PCDHA3: variants seen among roughly 807,000 people sequenced by gnomAD.
PCDHA3 encodes protocadherin alpha 3.
PCDHA3 carries 41 observed loss-of-function variants against 62.2 expected under a neutral mutation model. The ratio of observed to expected loss-of-function variants is 0.66; its 90% CI spans 0.51 to 0.86. The LOEUF (loss-of-function observed/expected upper bound fraction) is 0.86, where lower values mean the gene tolerates loss of function less well. PCDHA3 is among the 40% of genes least tolerant of loss of function. PCDHA3 has a pLI of 0.00. For missense variants in PCDHA3, 1,304 were observed against 1,241.2 expected (o/e 1.05, Z -0.76); for synonymous variants, 640 against 555.4 (o/e 1.15, Z -2.14).
chr5:140,823,525 G>C (rs2150126646), intron 1 of PCDHA3: 4 of 1,613,736 alleles, frequency 2.5e-6, no homozygotes, highest in Non-Finnish European at 3.4e-6. Flanking sequence ...GCCGAGGTCA[G>C]TGGGTGCGGG....
At chr5:141,007,985 A>C (rs2153994605) in intron 3 of PCDHA3, among the ~76,000 whole-genome samples, 1 of 152,322 alleles carries the variant, frequency 6.6e-6, no homozygotes, top group South Asian at 2.1e-4. Context: ...TGTATATATG[A>C]AATGTACATG....
chr5:140,932,346 A>C (rs529573484), intron 1 of PCDHA3, among the ~76,000 whole-genome samples: 1 of 151,954 alleles, frequency 6.6e-6, no homozygotes, highest in African/African-American at 2.4e-5. Context: ...AACACTTACC[A>C]TACAACTGGC....
chr5:140,877,090 G>T lies in PCDHA3; in HGVS notation c.2394+73499G>T, dbSNP rs201209762. ...GCAGTTCCAGGTGAGCGCGCGCGAC[G>T]CCGGCGTGCCGCCTCTGGGCAGCAA... is the stretch of plus-strand genomic sequence containing the variant. On this transcript the variant is annotated intron_variant, in intron 1 of 3. Coordinates refer to ENST00000522353, the MANE Select transcript of PCDHA3 (RefSeq NM_018906.3). 4,655 of 1,613,184 alleles carry T rather than the reference G, an allele frequency of 2.9e-3. 21 individuals are homozygous for T. Among genetic ancestry groups the T allele is most frequent in the African/African-American group, 0.01 (785 of 75,036 alleles).
intron 1 of PCDHA3, chr5:140,882,360 T>A: frequency 6.2e-7 from 1 of 1,614,134 alleles, no homozygotes. Context: ...AGTGGCCAGC[T>A]CCACTACTCC....
At chr5:140,906,063 A>T (rs572488248) in intron 1 of PCDHA3, among the ~76,000 whole-genome samples, 1 of 152,318 alleles carries the variant, frequency 6.6e-6, no homozygotes, top group South Asian at 2.1e-4. Flanking sequence ...CTGGCAGCTG[A>T]TTAGATCGCA....
intron 1 of PCDHA3, chr5:140,817,656 T>G (rs1272936545): frequency 3.3e-5 from 5 of 152,208 alleles, no homozygotes; most frequent in African/African-American, 9.6e-5. Context: ...GTTACTGATA[T>G]GCCTTTCAAT....
At position 140,828,503 on chromosome 5, in the gene PCDHA3, C is replaced by G. The variant is rs1165644843; in HGVS notation, c.2394+24912C>G. ...CCCGCCCTTGTTCCCGGTAGAGGAA[C>G]AAAGAGTGCTGATTTACGAATCTAG... On this transcript the variant is annotated intron_variant, in intron 1 of 3. Coordinates refer to ENST00000522353, the MANE Select transcript of PCDHA3 (RefSeq NM_018906.3). 1.5e-5 allele frequency: 25 copies of G among 1,614,120 alleles called. No homozygotes were observed. In the Admixed American group the frequency reaches 3.7e-4, roughly 24 times the overall value.
chr5:141,010,381 T>C lies in PCDHA3; in HGVS notation c.*444T>C. On this transcript the variant is annotated 3_prime_UTR_variant, in exon 4 of 4. Transcript: ENST00000522353. ...ACCGCGGGTATGCGAGTGCCAGATA[T>C]TGGCTGAGACGAGCCAGCTTAGACT... 2.8e-6 allele frequency: 4 copies of C among 1,442,848 alleles called. No homozygotes were observed. The highest frequency in any genetic ancestry group is 2.8e-6 in the Non-Finnish European group (3 of 1,086,990). The allele number at this position is 1,442,848 out of a possible 1,614,324, so 89.4% of individuals were successfully genotyped here.
At chr5:140,882,732 A>G (rs782399296) in intron 1 of PCDHA3, 3 of 1,614,228 alleles carry the variant, frequency 1.9e-6, no homozygotes, top group Non-Finnish European at 2.5e-6. Context: ...TTTCCACTAG[A>G]TGGCGCATCC....
chr5:140,851,389 TCTATTATTTTAATAA>T, intron 1 of PCDHA3: 2 of 974,212 alleles, frequency 2.1e-6, no homozygotes, highest in Non-Finnish European at 2.5e-6. Flanking sequence ...ACCTTCAGTA[TCTATTATTTTAATAA>T]GAAAGAAACT....
At chr5:140,837,849 A>C (rs957584750) in intron 1 of PCDHA3, among the ~76,000 whole-genome samples, 1 of 150,852 alleles carries the variant, frequency 6.6e-6, no homozygotes, top group Non-Finnish European at 1.5e-5. Flanking sequence ...GGCTAATTTT[A>C]TTTTATTTTT....
chr5:140,875,009 G>A (rs1238943643), intron 1 of PCDHA3, among the ~76,000 whole-genome samples: 2 of 152,216 alleles, frequency 1.3e-5, no homozygotes, highest in Admixed American at 6.5e-5. Flanking sequence ...CCATGATAAA[G>A]TGTAGGTTCT....
At position 140,843,775 on chromosome 5, in the gene PCDHA3, A is replaced by C. The variant is rs2150366589; in HGVS notation, c.2394+40184A>C. On this transcript the variant is annotated intron_variant, in intron 1 of 3. Coordinates refer to ENST00000522353, the MANE Select transcript of PCDHA3 (RefSeq NM_018906.3). The stretch of plus-strand genomic sequence containing the variant: ...ATTTGTGGAAATTGTAGTTACTTTA[A>C]AAGTGTTTCAGATTTAGTTTTTCAC... 8 of 1,450,698 alleles carry C rather than the reference A, an allele frequency of 5.5e-6. No homozygotes were observed. In the South Asian group the frequency reaches 1.0e-4, roughly 18 times the overall value. The allele number at this position is 1,450,698 out of a possible 1,614,324, so 89.9% of individuals were successfully genotyped here.
chr5:140,910,022 C>G (rs2074840302), intron 1 of PCDHA3, among the ~76,000 whole-genome samples: 1 of 152,174 alleles, frequency 6.6e-6, no homozygotes, highest in South Asian at 2.1e-4. Context: ...CCTTGTATCC[C>G]TGGGATAAAT....
chr5:140,946,611 A>AATATATATAT (rs1554217734), intron 1 of PCDHA3, among the ~76,000 whole-genome samples: 3,697 of 86,664 alleles, frequency 0.043, 168 homozygotes, highest in Non-Finnish European at 0.054. Flanking sequence ...GAAAATGTGA[A>AATATATATAT]ATATATATAT....
chr5:140,826,859 G>T (rs1313241483), intron 1 of PCDHA3, among the ~76,000 whole-genome samples: 3 of 152,092 alleles, frequency 2.0e-5, no homozygotes, highest in Non-Finnish European at 4.4e-5. Flanking sequence ...CAATTTCTAG[G>T]TTTAGTAAAA....
At chr5:140,828,531 T>G in intron 1 of PCDHA3, 3 of 1,614,256 alleles carry the variant, frequency 1.9e-6, no homozygotes, top group Non-Finnish European at 2.5e-6. Flanking sequence ...GAATCTAGGC[T>G]GCCAGATTCT....
At chr5:140,896,381 C>A (rs1235283612) in intron 1 of PCDHA3, among the ~76,000 whole-genome samples, 1 of 152,160 alleles carries the variant, frequency 6.6e-6, no homozygotes, top group Non-Finnish European at 1.5e-5. Context: ...TTCTCTGCAA[C>A]CTCACCAGCA....
At chr5:140,876,459 C>T (rs2056359218) in intron 1 of PCDHA3, 1 of 1,613,878 alleles carries the variant, frequency 6.2e-7, no homozygotes, top group Non-Finnish European at 8.5e-7. Flanking sequence ...GGATTCCTTC[C>T]ATGGCAGGTC....
Sources: gnomAD v4.1 joint callset for allele counts (sites outside exome capture counted in the v4.1 genomes callset) on GRCh38, gnomAD v4.1.1 for gene constraint, MANE v1.5 for transcripts, NCBI Gene and HGNC (gene_info 2026-07-23, HGNC 2026-07-21) for gene names.